The following GMDS variants were observed in gnomAD, a reference collection of about 807,000 sequenced individuals.
The protein encoded by GMDS is GDP-mannose 4,6 dehydratase.
GMDS carries 20 observed loss-of-function variants against 49.9 expected under a neutral mutation model. The observed-to-expected ratio is 0.40, with a 90% CI of 0.28 to 0.58. The LOEUF (loss-of-function observed/expected upper bound fraction) is 0.58. Ranked by LOEUF, GMDS falls within the 20% of genes least tolerant of loss-of-function variation. The pLI is 0.42. For synonymous variants in GMDS, 177 were observed against 178.6 expected, an observed-to-expected ratio of 0.99 and a Z score of 0.07; for missense variants, 362 against 481.4, an observed-to-expected ratio of 0.75 and a Z score of 2.32.
chr6:2,232,329 C>A (rs1212605739), intron 1 of GMDS, among the ~76,000 whole-genome samples: 3 of 152,154 alleles, frequency 2.0e-5, no homozygotes, highest in South Asian at 4.1e-4. Context: ...TTCTCCTAGA[C>A]CCCAAAAGGG....
At chr6:2,146,978 G>T (rs921215356) in intron 1 of GMDS, among the ~76,000 whole-genome samples, 40 of 152,234 alleles carry the variant, frequency 2.6e-4, no homozygotes, top group Middle Eastern at 3.4e-3. Context: ...TAGAAAGAAC[G>T]GTGCATCCCA....
intron 1 of GMDS, among the ~76,000 whole-genome samples, chr6:2,171,052 A>C (rs1777981941): frequency 6.6e-6 from 1 of 152,130 alleles, no homozygotes; most frequent in African/African-American, 2.4e-5. Context: ...AAAAATTACT[A>C]CCTTTAAATA....
chr6:1,659,193 C>A (rs992237893), intron 9 of GMDS, among the ~76,000 whole-genome samples: 1 of 150,192 alleles, frequency 6.7e-6, no homozygotes, highest in Non-Finnish European at 1.5e-5. Flanking sequence ...ATGCTGTGGG[C>A]TCTTCGGTGG....
intron 9 of GMDS, among the ~76,000 whole-genome samples, chr6:1,715,993 A>G (rs1195380379): frequency 6.6e-6 from 1 of 152,176 alleles, no homozygotes; most frequent in East Asian, 1.9e-4. Context: ...TTCTCCACTG[A>G]CCTCTTTTCA....
At chr6:1,950,008 C>T in intron 6 of GMDS, among the ~76,000 whole-genome samples, 1 of 152,170 alleles carries the variant, frequency 6.6e-6, no homozygotes, top group Admixed American at 6.5e-5. Context: ...TTTGATACTT[C>T]TACAGTGCAT....
chr6:2,068,217 G>C (rs1035978547), intron 4 of GMDS, among the ~76,000 whole-genome samples: 4 of 151,992 alleles, frequency 2.6e-5, no homozygotes, highest in Admixed American at 6.6e-5. Flanking sequence ...ACTCAACAAC[G>C]CTTCATGCTA....
At chr6:2,012,768 T>TA (rs35353414) in intron 4 of GMDS, among the ~76,000 whole-genome samples, 5 of 152,154 alleles carry the variant, frequency 3.3e-5, no homozygotes, top group South Asian at 2.1e-4. Flanking sequence ...GCTTGGGAGT[T>TA]AAAAAAAGTC....
chr6:1,654,367 G>C (rs554795810), intron 9 of GMDS, among the ~76,000 whole-genome samples: 1 of 152,184 alleles, frequency 6.6e-6, no homozygotes, highest in African/African-American at 2.4e-5. Context: ...CTAAGTGTCC[G>C]TTGACAGATT....
At chr6:1,753,648 C>A (rs991382294) in intron 7 of GMDS, among the ~76,000 whole-genome samples, 1 of 152,152 alleles carries the variant, frequency 6.6e-6, no homozygotes, top group Non-Finnish European at 1.5e-5. Flanking sequence ...GTAAACACTC[C>A]TCAGCAAATG....
intron 7 of GMDS, among the ~76,000 whole-genome samples, chr6:1,849,560 G>C (rs1757560989): frequency 6.6e-6 from 1 of 152,154 alleles, no homozygotes; most frequent in Admixed American, 6.5e-5. Context: ...AAAATGTGAA[G>C]GCTTTTTATT....
intron 1 of GMDS, among the ~76,000 whole-genome samples, chr6:2,230,764 T>C (rs1781051693): frequency 6.6e-6 from 1 of 152,026 alleles, no homozygotes; most frequent in African/African-American, 2.4e-5. Context: ...GGGACTTCAA[T>C]ACTTGGTCAA....
chr6:2,165,804 A>T (rs1466515708), intron 1 of GMDS, among the ~76,000 whole-genome samples: 1 of 152,248 alleles, frequency 6.6e-6, no homozygotes, highest in Non-Finnish European at 1.5e-5. Context: ...CAAATTCATA[A>T]TGCAACAAGA....
chr6:1,841,090 A>AT (rs1757134566), intron 7 of GMDS, among the ~76,000 whole-genome samples: 1 of 152,166 alleles, frequency 6.6e-6, no homozygotes, highest in Non-Finnish European at 1.5e-5. Context: ...AATTCTCGGG[A>AT]TTTTTTTAAG....
intron 9 of GMDS, among the ~76,000 whole-genome samples, chr6:1,649,574 A>G (rs923762851): frequency 6.6e-6 from 1 of 152,226 alleles, no homozygotes; most frequent in African/African-American, 2.4e-5. Flanking sequence ...ACCTTGTAAC[A>G]TGAAGGCACG....
At chr6:1,761,339 C>G (rs1426251439) in intron 7 of GMDS, among the ~76,000 whole-genome samples, 2 of 152,146 alleles carry the variant, frequency 1.3e-5, no homozygotes, top group Non-Finnish European at 2.9e-5. Context: ...TTTGAAAACT[C>G]TAAAATATCC....
At chr6:1,625,395 G>GCA (rs10666576) in intron 9 of GMDS, 16,113 of 152,162 alleles carry the variant, frequency 0.11, 1,142 homozygotes, top group East Asian at 0.39. Flanking sequence ...ACTTCCACGA[G>GCA]CGGAGCTGCA....
rs1413833555 is a variant in GMDS at position 1,674,557 on chromosome 6, TC to T, written c.988-50018del. Among the ~76,000 whole-genome samples the T allele has an allele frequency of 9.6e-3, 667 of 69,248 alleles. 13 individuals are homozygous for T. Among genetic ancestry groups the T allele is most frequent in the African/African-American group, 0.04 (619 of 15,384 alleles). The allele number at this position is 69,248 out of a possible 152,430, so 45.4% of individuals were successfully genotyped here. A position where few individuals can be genotyped will look rare whatever the true frequency, so the allele number is the denominator to read the frequency against. Reference sequence around the variant, plus strand: ...TTCCAACTCATCAACTCTCTCTCTCTCTCTTTTTTTTTTTTTTTTTTTTTTT... The same window carrying T: ...TTCCAACTCATCAACTCTCTCTCTCTTCTTTTTTTTTTTTTTTTTTTTTTT... On this transcript the variant is annotated intron_variant, in intron 9 of 10. Transcript: ENST00000380815.
intron 1 of GMDS, among the ~76,000 whole-genome samples, chr6:2,146,679 A>G (rs995660269): frequency 2.0e-5 from 3 of 152,168 alleles, no homozygotes; most frequent in African/African-American, 7.2e-5. Flanking sequence ...CTTTTTAACA[A>G]CACGCCCCTC....
chr6:1,679,014 T>C (rs1193357839), intron 9 of GMDS, among the ~76,000 whole-genome samples: 1 of 152,192 alleles, frequency 6.6e-6, no homozygotes, highest in Admixed American at 6.5e-5. Context: ...GAAACGACAC[T>C]AGACAAAACT....
Sources: allele counts gnomAD v4.1 joint callset (sites outside exome capture counted in the v4.1 genomes callset), GRCh38; gene constraint gnomAD v4.1.1; transcripts MANE v1.5; gene names NCBI Gene and HGNC (gene_info 2026-07-23, HGNC 2026-07-21).